The following DPY19L1 variants were observed in gnomAD, a reference collection of about 807,000 sequenced individuals.
DPY19L1 encodes protein C-mannosyl-transferase DPY19L1.
Under a neutral mutation model 96.9 loss-of-function variants are expected in DPY19L1, and 35 were observed. The observed-to-expected ratio is 0.36, with a 90% CI of 0.28 to 0.48. The LOEUF (loss-of-function observed/expected upper bound fraction) is 0.48, where lower values mean the gene tolerates loss of function less well. Ranked by LOEUF, DPY19L1 falls within the 20% of genes least tolerant of loss-of-function variation. DPY19L1 has a pLI of 0.99. For missense variants in DPY19L1, 521 were observed against 777.9 expected, an observed-to-expected ratio of 0.67 and a Z score of 3.93; for synonymous variants, 205 against 252.6, an observed-to-expected ratio of 0.81 and a Z score of 1.79.
At chr7:34,963,608 CGT>C (rs59835071) in intron 10 of DPY19L1, among the ~76,000 whole-genome samples, 99 of 151,176 alleles carry the variant, frequency 6.5e-4, no homozygotes, top group Non-Finnish European at 1.1e-3. Context: ...TAAGCAAAAT[CGT>C]GTGTGTGTGT....
At chr7:35,019,627 A>G (rs1168845438) in intron 1 of DPY19L1, among the ~76,000 whole-genome samples, 1 of 152,158 alleles carries the variant, frequency 6.6e-6, no homozygotes, top group East Asian at 1.9e-4. Context: ...GAAGAGAAGG[A>G]AAGAAAAATG....
At chr7:35,002,900 C>G (rs1785462565) in intron 6 of DPY19L1, among the ~76,000 whole-genome samples, 1 of 152,158 alleles carries the variant, frequency 6.6e-6, no homozygotes, top group South Asian at 2.1e-4. Context: ...TACTGAGTAG[C>G]TGGGACTACA....
chr7:35,010,661 G>C (rs1279076120), intron 5 of DPY19L1, 100 bp from the exon 6 acceptor site: 14 of 829,440 alleles, frequency 1.7e-5, no homozygotes, highest in Non-Finnish European at 2.5e-5. Context: ...GAAAATGGTT[G>C]CCAGATATAT....
chr7:35,019,753 C>T (rs1403814821), intron 1 of DPY19L1, among the ~76,000 whole-genome samples: 1 of 152,154 alleles, frequency 6.6e-6, no homozygotes, highest in Non-Finnish European at 1.5e-5. Flanking sequence ...ATTGAAGTTA[C>T]AAATATCTAA....
At chr7:34,959,089 T>C (rs562959074) in intron 10 of DPY19L1, among the ~76,000 whole-genome samples, 2 of 152,028 alleles carry the variant, frequency 1.3e-5, no homozygotes, top group East Asian at 3.9e-4. Flanking sequence ...AAGACATTTA[T>C]GCAGCCAACA....
chr7:34,934,163 C>T (rs1783816216), intron 21 of DPY19L1, among the ~76,000 whole-genome samples: 1 of 151,980 alleles, frequency 6.6e-6, no homozygotes, highest in Non-Finnish European at 1.5e-5. Context: ...TAAGGTTTCA[C>T]CGTGTTAGCC....
At chr7:34,964,986 G>A (rs186476059) in intron 10 of DPY19L1, among the ~76,000 whole-genome samples, 2 of 152,162 alleles carry the variant, frequency 1.3e-5, no homozygotes, top group Admixed American at 1.3e-4. Flanking sequence ...CATTTTACAC[G>A]AACCAGATTG....
At chr7:34,931,914 T>A (rs563228629) in intron 21 of DPY19L1, among the ~76,000 whole-genome samples, 185 bp from the exon 22 acceptor site, 1 of 152,272 alleles carries the variant, frequency 6.6e-6, no homozygotes, top group South Asian at 2.1e-4. Flanking sequence ...TAGGACAAGG[T>A]CAATGCAGCA....
At chr7:34,960,595 T>A (rs569543340) in intron 10 of DPY19L1, among the ~76,000 whole-genome samples, 1 of 152,282 alleles carries the variant, frequency 6.6e-6, no homozygotes. Context: ...GAATTATTTT[T>A]CAGTCAATTG....
chr7:34,952,253 T>A (rs1325462303), intron 13 of DPY19L1, among the ~76,000 whole-genome samples: 4 of 151,880 alleles, frequency 2.6e-5, no homozygotes, highest in Non-Finnish European at 1.5e-5. Flanking sequence ...AAAATTCCAA[T>A]AAGAATTTTA....
At chr7:34,948,203 C>T (rs1163671158) in intron 14 of DPY19L1, among the ~76,000 whole-genome samples, 1 of 152,048 alleles carries the variant, frequency 6.6e-6, no homozygotes, top group Non-Finnish European at 1.5e-5. Context: ...ATAACAAAGC[C>T]CTACACATTG....
intron 6 of DPY19L1, among the ~76,000 whole-genome samples, chr7:35,001,243 G>A (rs1360509275): frequency 1.5e-4 from 23 of 152,224 alleles, no homozygotes; most frequent in Admixed American, 1.5e-3. Flanking sequence ...TTCAGAATGA[G>A]TCCATTGGAA....
intron 1 of DPY19L1, among the ~76,000 whole-genome samples, chr7:35,030,792 T>G (rs1786241636): frequency 6.6e-6 from 1 of 152,210 alleles, no homozygotes; most frequent in African/African-American, 2.4e-5. Flanking sequence ...TAAATGTATT[T>G]ATATTCAGTG....
At chr7:34,958,566 G>A (rs1389846538) in intron 10 of DPY19L1, among the ~76,000 whole-genome samples, 2 of 151,830 alleles carry the variant, frequency 1.3e-5, no homozygotes, top group African/African-American at 2.4e-5. Flanking sequence ...ACATCCTTAT[G>A]TGTATACCTT....
At chr7:35,007,234 T>G (rs1230497931) in intron 6 of DPY19L1, among the ~76,000 whole-genome samples, 3 of 152,170 alleles carry the variant, frequency 2.0e-5, no homozygotes, top group Non-Finnish European at 4.4e-5. Flanking sequence ...GAAAGAACCT[T>G]CAGTTAACGA....
chr7:35,013,842 T>A (rs886593043), intron 3 of DPY19L1, 137 bp from the exon 4 acceptor site: 8 of 578,698 alleles, frequency 1.4e-5, no homozygotes, highest in African/African-American at 1.2e-4. Context: ...AGGTTTCTGA[T>A]CACTGATAAA....
intron 6 of DPY19L1, among the ~76,000 whole-genome samples, chr7:34,991,901 G>A (rs1785175773): frequency 6.6e-6 from 1 of 152,122 alleles, no homozygotes; most frequent in African/African-American, 2.4e-5. Context: ...GGCAAATACT[G>A]TATAGTACAA....
intron 10 of DPY19L1, among the ~76,000 whole-genome samples, chr7:34,958,559 T>A (rs1331877870): frequency 6.6e-6 from 1 of 151,910 alleles, no homozygotes; most frequent in Non-Finnish European, 1.5e-5. Flanking sequence ...ATGATAGACA[T>A]CCTTATGTGT....
chr7:34,947,969 A>G (rs1196518945), intron 14 of DPY19L1, among the ~76,000 whole-genome samples: 2 of 152,134 alleles, frequency 1.3e-5, no homozygotes, highest in East Asian at 3.8e-4. Flanking sequence ...TTTGCATGCT[A>G]CTTATCTAAC....
Sources: gnomAD v4.1 joint callset for allele counts (sites outside exome capture counted in the v4.1 genomes callset) on GRCh38, gnomAD v4.1.1 for gene constraint, MANE v1.5 for transcripts, NCBI Gene and HGNC (gene_info 2026-07-23, HGNC 2026-07-21) for gene names.